Variants in NUP133 observed in about 807,000 individuals in gnomAD.
The protein encoded by NUP133 is nucleoporin 133.
Under a neutral mutation model 146.2 loss-of-function variants are expected in NUP133, and 66 were observed. The observed-to-expected ratio is 0.45, with a 90% CI of 0.37 to 0.55. The LOEUF (loss-of-function observed/expected upper bound fraction) is 0.55. NUP133 is among the 20% of genes least tolerant of loss of function. The pLI is 0.00. For missense variants in NUP133, 1,277 were observed against 1,374.8 expected, an observed-to-expected ratio of 0.93 and a Z score of 1.12; for synonymous variants, 521 against 498.8, an observed-to-expected ratio of 1.04 and a Z score of -0.59.
Position 229,441,501 on chromosome 1 carries a change from T to C in NUP133, c.*403A>G. ...CAGATATCAAACACCCTAGATTCTC[T>C]TCAGTGCAAAGTATCTGGAGTCACA... is the stretch of plus-strand genomic sequence containing the variant. On this transcript the variant is annotated 3_prime_UTR_variant, in exon 26 of 26. Coordinates refer to ENST00000261396, the MANE Select transcript of NUP133 (RefSeq NM_018230.3). The C allele has an allele frequency of 1.9e-6, 1 of 525,380 alleles. No individual in the cohort carries two copies. The highest frequency in any genetic ancestry group is 2.0e-5 in the Admixed American group (1 of 50,230). 32.5% of individuals were successfully genotyped at this position (525,380 alleles called of 1,614,324 possible).
chr1:229,449,251 A>G (rs1660386332), intron 23 of NUP133, 61 bp from the exon 24 acceptor site: 9 of 1,048,246 alleles, frequency 8.6e-6, no homozygotes, highest in South Asian at 8.4e-5. Flanking sequence ...ATACATGCCT[A>G]AATTTTCATT....
rs147872768 is a variant in NUP133 at position 229,499,733 on chromosome 1, A to G, written c.599T>C (p.Phe200Ser). ...LAGEDTYTEA[F>S]VDSGGDKTYS... The stretch of plus-strand genomic sequence containing the variant: ...AGTCTTATCACCTCCCGAATCTACA[A>G]AAGCCTCTGTGTAGGTATCTTCACC... The change falls in exon 5 of 26, where the codon TTT becomes TCT. Residue 200 changes from phenylalanine (F) to serine (S), a missense_variant. Around this residue, in one of 3 missense-constraint regions of NUP133, gnomAD observed 319 missense variants for 306.9 expected, o/e 1.04. Coordinates refer to ENST00000261396, the MANE Select transcript of NUP133 (RefSeq NM_018230.3). 918 of 1,614,122 alleles carry G rather than the reference A, an allele frequency of 5.7e-4. 6 individuals carry two copies. In the African/African-American group the frequency reaches 0.011, roughly 20 times the overall value.
At chr1:229,490,887 G>C (rs1661496150) in intron 8 of NUP133, among the ~76,000 whole-genome samples, 2 of 151,122 alleles carry the variant, frequency 1.3e-5, no homozygotes, top group Non-Finnish European at 2.9e-5. Context: ...GGAGGTGGAG[G>C]TTGCAGTGAG....
At chr1:229,468,164 C>T (rs1312423695) in intron 15 of NUP133, among the ~76,000 whole-genome samples, 1 of 152,044 alleles carries the variant, frequency 6.6e-6, no homozygotes, top group Non-Finnish European at 1.5e-5. Flanking sequence ...AGAGCGCACC[C>T]TCAGGCAGCT....
chr1:229,484,951 C>A (rs768634103), intron 11 of NUP133, among the ~76,000 whole-genome samples: 1 of 152,098 alleles, frequency 6.6e-6, no homozygotes. Flanking sequence ...TAAAACTACA[C>A]TTAATCACTT....
intron 10 of NUP133, 124 bp from the exon 11 acceptor site, chr1:229,486,652 A>G: frequency 1.2e-6 from 1 of 866,060 alleles, no homozygotes; most frequent in Non-Finnish European, 1.8e-6. Context: ...CCTTTACAAC[A>G]TTAGTCCTAC....
At chr1:229,447,875 A>T (rs1403147504) in intron 24 of NUP133, among the ~76,000 whole-genome samples, 4 of 152,184 alleles carry the variant, frequency 2.6e-5, no homozygotes, top group Non-Finnish European at 5.9e-5. Flanking sequence ...TCTTAGTCAC[A>T]GGATGAGACA....
At chr1:229,445,760 C>A (rs1197826662) in intron 24 of NUP133, among the ~76,000 whole-genome samples, 1 of 152,150 alleles carries the variant, frequency 6.6e-6, no homozygotes, top group Admixed American at 6.5e-5. Flanking sequence ...ATGATAGCAT[C>A]CTTTTGTATG....
chr1:229,453,871 T>C (rs1465243688), intron 21 of NUP133, among the ~76,000 whole-genome samples: 12 of 152,326 alleles, frequency 7.9e-5, no homozygotes, highest in Middle Eastern at 3.4e-3. Flanking sequence ...TAGTAAATGA[T>C]AAAATAGACT....
intron 24 of NUP133, among the ~76,000 whole-genome samples, chr1:229,446,434 C>CA (rs1004486611): frequency 1.3e-4 from 20 of 149,632 alleles, no homozygotes; most frequent in Middle Eastern, 7.0e-3. Context: ...AACGAACAAA[C>CA]AAAAAAAAGA....
intron 21 of NUP133, among the ~76,000 whole-genome samples, chr1:229,454,386 T>C (rs1660518160): frequency 6.6e-6 from 1 of 152,202 alleles, no homozygotes; most frequent in Admixed American, 6.5e-5. Flanking sequence ...CCCGTGATCC[T>C]GGTTTTGGAA....
rs1439511200 is a variant in NUP133 at position 229,464,934 on chromosome 1, A to G, written c.2300-59T>C. ...AAGGGATCTAGTGATGGCTAAAGGA[A>G]AGACTAATAGCATAAAAATTATGCC... On this transcript the variant is annotated intron_variant, in intron 17 of 25. Coordinates refer to ENST00000261396, the MANE Select transcript of NUP133 (RefSeq NM_018230.3). 3.1e-6 allele frequency: 5 copies of G among 1,589,176 alleles called. No homozygotes were observed. The East Asian group carries it at 9.0e-5, about 28-fold the overall frequency.
At chr1:229,498,368 AT>A (rs893386078) in intron 5 of NUP133, 62 bp from the exon 6 acceptor site, 4 of 1,181,132 alleles carry the variant, frequency 3.4e-6, no homozygotes, top group Admixed American at 5.5e-5. Flanking sequence ...AAAATGAAAA[AT>A]TCTTTGATAC....
intron 13 of NUP133, among the ~76,000 whole-genome samples, chr1:229,476,121 G>GAAA (rs370573103): frequency 1.6e-5 from 2 of 126,524 alleles, no homozygotes; most frequent in African/African-American, 5.8e-5. Flanking sequence ...AAAGAAAAGG[G>GAAA]AAAAAAAAAA....
At chr1:229,501,715 C>T (rs1285468643) in intron 3 of NUP133, among the ~76,000 whole-genome samples, 1 of 152,190 alleles carries the variant, frequency 6.6e-6, no homozygotes, top group Non-Finnish European at 1.5e-5. Flanking sequence ...TAGTCTGATA[C>T]TTCATTAGGC....
At chr1:229,450,147 C>T (rs1240102722) in intron 23 of NUP133, among the ~76,000 whole-genome samples, 1 of 151,172 alleles carries the variant, frequency 6.6e-6, no homozygotes, top group Non-Finnish European at 1.5e-5. Context: ...CTGTCTGCCT[C>T]GGCCTCCCAA....
At chr1:229,445,738 A>C (rs1337624029) in intron 24 of NUP133, among the ~76,000 whole-genome samples, 1 of 152,258 alleles carries the variant, frequency 6.6e-6, no homozygotes, top group East Asian at 1.9e-4. Context: ...AAGACAAGGA[A>C]TTCTAATCAA....
chr1:229,491,367 A>G (rs1465974778), intron 8 of NUP133, among the ~76,000 whole-genome samples: 1 of 152,230 alleles, frequency 6.6e-6, no homozygotes, highest in African/African-American at 2.4e-5. Context: ...TTTTACCTCC[A>G]GACACGATGG....
At chr1:229,484,486 T>C (rs966900862) in intron 11 of NUP133, among the ~76,000 whole-genome samples, 2 of 152,220 alleles carry the variant, frequency 1.3e-5, no homozygotes, top group Admixed American at 1.3e-4. Flanking sequence ...GCTTGGTCCA[T>C]ACCAATTATT....
Sources: gnomAD v4.1 joint callset for allele counts (sites outside exome capture counted in the v4.1 genomes callset) on GRCh38, gnomAD v4.1.1 for gene constraint, gnomAD v4.1.1 regional missense constraint, MANE v1.5 for transcripts, NCBI Gene and HGNC (gene_info 2026-07-23, HGNC 2026-07-21) for gene names.